HEMK2: variants seen among roughly 807,000 people sequenced by gnomAD.
HEMK2 encodes the protein methyltransferase HEMK2.
chr21:28,882,971 T>C, the HEMK2 span: 49 of 1,521,074 alleles, frequency 3.2e-5, no homozygotes, highest in East Asian at 4.6e-5. Context: ...TCTAGATGAA[T>C]ATGATATACT....
the HEMK2 span, among the ~76,000 whole-genome samples, chr21:28,771,328 T>G: frequency 2.0e-5 from 3 of 152,088 alleles, no homozygotes; most frequent in Non-Finnish European, 4.4e-5. Flanking sequence ...AGTCAGATAT[T>G]TTCATATTAA....
the HEMK2 span, among the ~76,000 whole-genome samples, chr21:28,843,492 T>C: frequency 6.6e-6 from 1 of 152,144 alleles, no homozygotes; most frequent in Non-Finnish European, 1.5e-5. Context: ...TCTGAAAAGG[T>C]AGCACATGTG....
the HEMK2 span, among the ~76,000 whole-genome samples, chr21:28,689,541 T>C: frequency 2.0e-5 from 3 of 152,212 alleles, no homozygotes; most frequent in Middle Eastern, 3.4e-3. Flanking sequence ...TGAAATAAAA[T>C]ACAAACACAT....
chr21:28,762,901 G>T, the HEMK2 span, among the ~76,000 whole-genome samples: 1 of 152,086 alleles, frequency 6.6e-6, no homozygotes, highest in African/African-American at 2.4e-5. Context: ...TAAGACATGG[G>T]ACAAAGATTC....
At chr21:28,863,465 T>TATATATATACATATAC in the HEMK2 span, among the ~76,000 whole-genome samples, 1 of 85,596 alleles carries the variant, frequency 1.2e-5, no homozygotes, top group South Asian at 3.9e-4. Flanking sequence ...TATATATATA[T>TATATATATACATATAC]ATATACTTCA....
At chr21:28,872,823 T>A in the HEMK2 span, 1 of 152,222 alleles carries the variant, frequency 6.6e-6, no homozygotes, top group African/African-American at 2.4e-5. Flanking sequence ...CTCTGCCTTT[T>A]ATTTTATTTA....
the HEMK2 span, among the ~76,000 whole-genome samples, chr21:28,672,795 A>G: frequency 6.6e-6 from 1 of 152,064 alleles, no homozygotes; most frequent in Non-Finnish European, 1.5e-5. Flanking sequence ...ACTTGTTTTA[A>G]TTTAAAAATT....
At chr21:28,769,057 C>T in the HEMK2 span, among the ~76,000 whole-genome samples, 492 of 152,084 alleles carry the variant, frequency 3.2e-3, 2 homozygotes, top group African/African-American at 0.011. Context: ...GTTGTTTAAG[C>T]CATTTAGACT....
the HEMK2 span, among the ~76,000 whole-genome samples, chr21:28,669,633 C>G: frequency 6.6e-6 from 1 of 152,136 alleles, no homozygotes; most frequent in African/African-American, 2.4e-5. Context: ...AGACAGGACC[C>G]CAGAGTTACA....
At chr21:28,737,778 G>A in the HEMK2 span, among the ~76,000 whole-genome samples, 1 of 152,178 alleles carries the variant, frequency 6.6e-6, no homozygotes, top group Admixed American at 6.5e-5. Context: ...TCAGTTAAGT[G>A]AGCTAAATTC....
chr21:28,729,737 C>G, the HEMK2 span, among the ~76,000 whole-genome samples: 1 of 152,058 alleles, frequency 6.6e-6, no homozygotes, highest in African/African-American at 2.4e-5. Flanking sequence ...GTGTGGCCCA[C>G]AGGCTGTGGG....
the HEMK2 span, among the ~76,000 whole-genome samples, chr21:28,668,669 AT>A: frequency 6.6e-6 from 1 of 152,326 alleles, no homozygotes; most frequent in East Asian, 1.9e-4. Flanking sequence ...TTGCTGAACA[AT>A]AATACAATCA....
chr21:28,679,065 G>T, the HEMK2 span, among the ~76,000 whole-genome samples: 15 of 152,126 alleles, frequency 9.9e-5, no homozygotes, highest in African/African-American at 3.6e-4. Context: ...AAATGTAAAT[G>T]GGCTAAATGC....
At chr21:28,807,726 C>T in the HEMK2 span, among the ~76,000 whole-genome samples, 340 of 152,184 alleles carry the variant, frequency 2.2e-3, no homozygotes, top group African/African-American at 7.7e-3. Context: ...GTAATAAGTA[C>T]CTTGGTTCAG....
At chr21:28,689,294 T>A in the HEMK2 span, among the ~76,000 whole-genome samples, 2 of 152,208 alleles carry the variant, frequency 1.3e-5, no homozygotes, top group Non-Finnish European at 2.9e-5. Context: ...AATCATTTAA[T>A]CACAAATGTC....
At chr21:28,806,291 T>C in the HEMK2 span, among the ~76,000 whole-genome samples, 4 of 152,204 alleles carry the variant, frequency 2.6e-5, no homozygotes, top group African/African-American at 9.7e-5. Context: ...TACAAGGCAA[T>C]AGTTTAATGA....
At chr21:28,689,978 G>C in the HEMK2 span, among the ~76,000 whole-genome samples, 4 of 152,210 alleles carry the variant, frequency 2.6e-5, no homozygotes. Context: ...ATAAAGGAAA[G>C]AGGTTTAGTG....
chr21:28,693,033 G>T, the HEMK2 span, among the ~76,000 whole-genome samples: 2 of 152,076 alleles, frequency 1.3e-5, no homozygotes, highest in Non-Finnish European at 2.9e-5. Context: ...TTAGTACTGG[G>T]TTTCTTTGTG....
chr21:28,838,992 T>TATATATATAC, the HEMK2 span, among the ~76,000 whole-genome samples: 1 of 77,558 alleles, frequency 1.3e-5, no homozygotes, highest in Non-Finnish European at 2.3e-5. Flanking sequence ...TATATATATA[T>TATATATATAC]ATATATATAC....
Sources: gnomAD v4.1 joint callset for allele counts (sites outside exome capture counted in the v4.1 genomes callset) on GRCh38, gnomAD v4.1.1 for gene constraint, MANE v1.5 for transcripts, NCBI Gene and HGNC (gene_info 2026-07-23, HGNC 2026-07-21) for gene names.